Variants in PDE8B observed in about 807,000 individuals in gnomAD.
PDE8B encodes phosphodiesterase 8B, also known as high affinity cAMP-specific and IBMX-insensitive 3',5'-cyclic phosphodiesterase 8B.
PDE8B carries 26 observed loss-of-function variants against 101.3 expected under a neutral mutation model. That is an observed-to-expected ratio of 0.26 (90% CI 0.19 to 0.36). PDE8B has a LOEUF of 0.36. PDE8B is among the 10% of genes least tolerant of loss of function. The pLI, the probability that PDE8B is intolerant of heterozygous loss-of-function variation, is 1.00. For missense variants in PDE8B, 810 were observed against 1,163.1 expected (o/e 0.70, Z 4.42); for synonymous variants, 424 against 429.3 (o/e 0.99, Z 0.15).
intron 10 of PDE8B, among the ~76,000 whole-genome samples, chr5:77,397,756 A>T (rs1205575478): frequency 1.3e-5 from 2 of 152,190 alleles, no homozygotes; most frequent in African/African-American, 4.8e-5. Context: ...TCTTATCCAA[A>T]CATGCCAAGA....
intron 10 of PDE8B, among the ~76,000 whole-genome samples, chr5:77,361,354 G>A (rs1037590260): frequency 6.6e-6 from 1 of 152,060 alleles, no homozygotes; most frequent in Admixed American, 6.5e-5. Flanking sequence ...ACTTAAATGT[G>A]TATCATGTCT....
At chr5:77,403,792 C>T (rs1290214972) in intron 11 of PDE8B, among the ~76,000 whole-genome samples, 5 of 151,786 alleles carry the variant, frequency 3.3e-5, no homozygotes, top group South Asian at 2.1e-4. Flanking sequence ...CGAGAATGTC[C>T]CTCAAGTTTT....
rs60582461 is a variant in PDE8B, at chr5:77,345,811, T to C, written c.876+880T>C. On this transcript the variant is annotated intron_variant, in intron 7 of 21. Coordinates refer to ENST00000264917, the MANE Select transcript of PDE8B (RefSeq NM_003719.5). ...GAGTGGCATGGAGTGTGAGGAGCAC[T>C]TATCAGTAGGGCACCAAAGACAGTG... Among the ~76,000 whole-genome samples, 802 of 152,272 alleles carry C rather than the reference T, an allele frequency of 5.3e-3. 7 individuals carry two copies. The highest frequency in any genetic ancestry group is 0.019 in the African/African-American group (782 of 41,562).
At chr5:77,214,212 A>G (rs1477238080) in intron 1 of PDE8B, among the ~76,000 whole-genome samples, 1 of 152,212 alleles carries the variant, frequency 6.6e-6, no homozygotes, top group East Asian at 1.9e-4. Flanking sequence ...AAGTTTTCTC[A>G]TACCAGCTGT....
At chr5:77,193,832 A>G in the PDE8B span, among the ~76,000 whole-genome samples, 1 of 152,150 alleles carries the variant, frequency 6.6e-6, no homozygotes, top group East Asian at 1.9e-4. Context: ...AGACTTTTAA[A>G]TTTCTCTATC....
chr5:77,387,091 G>C lies in PDE8B; in HGVS notation c.1168-13157G>C, dbSNP rs191228059. Among the ~76,000 whole-genome samples the C allele has an allele frequency of 4.1e-3, 615 of 151,430 alleles. 5 individuals are homozygous for C. Among genetic ancestry groups the C allele is most frequent in the Non-Finnish European group, 5.5e-3 (375 of 67,848 alleles). On this transcript the variant is annotated intron_variant, in intron 10 of 21. Coordinates refer to ENST00000264917, the MANE Select transcript of PDE8B (RefSeq NM_003719.5). Reference sequence around the variant, plus strand: ...GTAGAGACGGGGTTTCACCTTGTTAGCCAGGATGGTCTCGATCTCCTGACC... The same window carrying C: ...GTAGAGACGGGGTTTCACCTTGTTACCCAGGATGGTCTCGATCTCCTGACC...
intron 20 of PDE8B, among the ~76,000 whole-genome samples, chr5:77,423,009 G>T (rs2151204047): frequency 6.6e-6 from 1 of 152,240 alleles, no homozygotes; most frequent in East Asian, 1.9e-4. Context: ...TTCAACCCTT[G>T]CCCCCTTCCC....
the PDE8B span, among the ~76,000 whole-genome samples, chr5:77,150,381 C>A: frequency 6.6e-6 from 1 of 152,162 alleles, no homozygotes; most frequent in Non-Finnish European, 1.5e-5. Context: ...AATTGAATCC[C>A]AGCTGCATAC....
chr5:77,423,591 T>C (rs932873798), intron 20 of PDE8B, among the ~76,000 whole-genome samples: 5 of 151,834 alleles, frequency 3.3e-5, no homozygotes, highest in Non-Finnish European at 7.4e-5. Context: ...TGGTTTTGAT[T>C]TGCATGTCTG....
chr5:77,364,551 C>T (rs1351251119), intron 10 of PDE8B, among the ~76,000 whole-genome samples: 1 of 152,132 alleles, frequency 6.6e-6, no homozygotes, highest in Non-Finnish European at 1.5e-5. Flanking sequence ...GCTAGGTTTC[C>T]TGGGTGAGAT....
the PDE8B span, among the ~76,000 whole-genome samples, chr5:77,185,582 A>C: frequency 4.6e-5 from 7 of 152,144 alleles, no homozygotes; most frequent in African/African-American, 1.7e-4. Flanking sequence ...GTTGAACACA[A>C]TTCAGCCCAT....
At chr5:77,324,098 C>T (rs1259892005) in intron 2 of PDE8B, among the ~76,000 whole-genome samples, 2 of 152,184 alleles carry the variant, frequency 1.3e-5, no homozygotes, top group African/African-American at 4.8e-5. Context: ...CTCAAAAGCT[C>T]TTCATGTTGA....
chr5:77,102,906 A>G, the PDE8B span, among the ~76,000 whole-genome samples: 4 of 152,242 alleles, frequency 2.6e-5, no homozygotes, highest in African/African-American at 4.8e-5. Context: ...CTGCGTGGCC[A>G]AGATGCCAGC....
Position 77,211,331 on chromosome 5 carries a change from G to C in PDE8B, c.339+67G>C. 6.9e-7 allele frequency: 1 copy of C among 1,447,216 alleles called. No homozygotes were observed. Among genetic ancestry groups the C allele is most frequent in the Non-Finnish European group, 9.2e-7 (1 of 1,085,426 alleles). The allele number at this position is 1,447,216 out of a possible 1,614,324, so 89.6% of individuals were successfully genotyped here. A position where few individuals can be genotyped will look rare whatever the true frequency, so the allele number is the denominator to read the frequency against. On this transcript the variant is annotated intron_variant, in intron 1 of 21. Coordinates refer to ENST00000264917, the MANE Select transcript of PDE8B (RefSeq NM_003719.5). The surrounding 1 kb of genome is among the most constrained non-coding windows in gnomAD (Gnocchi z 4.1). ...CCCGTCGGCGGGGCTCGCACGGGTA[G>C]GGGGCTCCGGCGGAGTTGGGTGACC...
At chr5:77,175,899 G>A in the PDE8B span, among the ~76,000 whole-genome samples, 12 of 152,124 alleles carry the variant, frequency 7.9e-5, no homozygotes, top group South Asian at 1.5e-3. Flanking sequence ...TAGCTTGTTA[G>A]CATCATCAAC....
At position 77,325,684 on chromosome 5, in the gene PDE8B, T is replaced by C. The variant is rs1309937281; in HGVS notation, c.545T>C (p.Ile182Thr). The change falls in exon 3 of 22, where the codon ATT (isoleucine) becomes ACT (threonine). Residue 182 changes from isoleucine to threonine, a missense_variant. Physicochemically the swap from Ile to Thr is moderately conservative, Grantham distance 89. Transcript: ENST00000264917. Reference protein sequence around the residue: ...FLDKHHEIIVIDHRQTQNFDA... With the variant: ...FLDKHHEIIVTDHRQTQNFDA... ...GATAAGCATCATGAAATTATTGTAA[T>C]TGATCATAGACAAACTCAGAACTTC... 1 of 1,613,926 alleles carries C rather than the reference T, an allele frequency of 6.2e-7. No homozygotes were observed. The highest frequency in any genetic ancestry group is 1.7e-5 in the Admixed American group (1 of 60,026).
intron 1 of PDE8B, among the ~76,000 whole-genome samples, chr5:77,237,186 G>A (rs992176701): frequency 4.6e-5 from 7 of 151,942 alleles, no homozygotes; most frequent in African/African-American, 1.7e-4. Context: ...GCATGTAGTT[G>A]GGTCATGTGT....
chr5:77,416,463 C>T (rs1795581906), intron 17 of PDE8B, among the ~76,000 whole-genome samples: 1 of 152,190 alleles, frequency 6.6e-6, no homozygotes, highest in South Asian at 2.1e-4. Flanking sequence ...AACGTGCCTG[C>T]AGGTGACCGT....
the PDE8B span, chr5:77,143,859 A>ATTTTTTTTTTTTTTTTTTTTTTTTT: frequency 1.7e-5 from 2 of 115,184 alleles, no homozygotes; most frequent in African/African-American, 3.3e-5. Context: ...TTCTTGAGGG[A>ATTTTTTTTTTTTTTTTTTTTTTTTT]TTTTTTTTTT....
Sources: gnomAD v4.1 joint callset for allele counts (sites outside exome capture counted in the v4.1 genomes callset) on GRCh38, gnomAD v4.1.1 for gene constraint, Gnocchi (gnomAD v3.1) non-coding constraint, MANE v1.5 for transcripts, NCBI Gene and HGNC (gene_info 2026-07-23, HGNC 2026-07-21) for gene names.